Variants in DNAJC1 observed in about 807,000 individuals in gnomAD.
DNAJC1 encodes DnaJ heat shock protein family (Hsp40) member C1.
In DNAJC1, 58 loss-of-function variants were observed where a neutral mutation model predicts 76.6. The observed-to-expected ratio is 0.76, with a 90% CI of 0.61 to 0.94. The LOEUF is 0.94. DNAJC1 is among the 40% of genes least tolerant of loss of function. The pLI is 0.00. For missense variants in DNAJC1, 689 were observed against 677.3 expected, an observed-to-expected ratio of 1.02 and a Z score of -0.19; for synonymous variants, 258 against 267.9, an observed-to-expected ratio of 0.96 and a Z score of 0.36.
chr10:21,978,404 A>T (rs1564843393), intron 1 of DNAJC1, among the ~76,000 whole-genome samples: 2 of 152,184 alleles, frequency 1.3e-5, no homozygotes, highest in African/African-American at 4.8e-5. Flanking sequence ...AAAGTCGATT[A>T]GCAAGTGAAA....
chr10:21,859,405 C>T (rs1835888250), intron 8 of DNAJC1, among the ~76,000 whole-genome samples: 1 of 152,054 alleles, frequency 6.6e-6, no homozygotes, highest in Non-Finnish European at 1.5e-5. Context: ...GTTAAATGAG[C>T]CACTCCATGA....
intron 7 of DNAJC1, among the ~76,000 whole-genome samples, chr10:21,882,840 C>T (rs1234863038): frequency 2.0e-5 from 3 of 152,050 alleles, no homozygotes; most frequent in African/African-American, 7.2e-5. Flanking sequence ...TAAAAAAAAC[C>T]TGGCTCTCAC....
intron 9 of DNAJC1, among the ~76,000 whole-genome samples, chr10:21,772,886 A>G (rs1407251076): frequency 1.3e-5 from 2 of 152,180 alleles, no homozygotes; most frequent in Non-Finnish European, 2.9e-5. Flanking sequence ...GGGAAGCCTC[A>G]GGAAACTTAC....
At chr10:21,763,244 C>G (rs1834260876) in intron 10 of DNAJC1, among the ~76,000 whole-genome samples, 1 of 152,188 alleles carries the variant, frequency 6.6e-6, no homozygotes, top group Non-Finnish European at 1.5e-5. Context: ...CATCTACTTT[C>G]AAACGTCCTT....
chr10:21,982,151 C>T (rs1838168585), intron 1 of DNAJC1, among the ~76,000 whole-genome samples: 2 of 152,310 alleles, frequency 1.3e-5, no homozygotes, highest in Admixed American at 6.5e-5. Flanking sequence ...AGTCTCTTTT[C>T]TCCTACTGCA....
chr10:21,794,909 T>C (rs1369328677), intron 9 of DNAJC1, among the ~76,000 whole-genome samples: 3 of 152,214 alleles, frequency 2.0e-5, no homozygotes, highest in Non-Finnish European at 2.9e-5. Context: ...TCAGATTTAT[T>C]TGCATTTTGT....
At chr10:21,804,644 T>C (rs1834861239) in intron 9 of DNAJC1, among the ~76,000 whole-genome samples, 1 of 147,900 alleles carries the variant, frequency 6.8e-6, no homozygotes, top group Non-Finnish European at 1.5e-5. Flanking sequence ...ATAACTAGTC[T>C]ACTCATGAAA....
At chr10:21,921,129 G>T (rs1837036514) in intron 3 of DNAJC1, among the ~76,000 whole-genome samples, 166 bp from the exon 4 acceptor site, 1 of 151,978 alleles carries the variant, frequency 6.6e-6, no homozygotes, top group Non-Finnish European at 1.5e-5. Flanking sequence ...AAGCACTGTA[G>T]ATAGCTCTAG....
intron 1 of DNAJC1, among the ~76,000 whole-genome samples, chr10:21,948,450 G>A (rs1169570154): frequency 3.3e-5 from 5 of 152,086 alleles, no homozygotes; most frequent in Non-Finnish European, 7.3e-5. Context: ...TGAAATTAAT[G>A]TGGAAATTTC....
chr10:21,848,749 CAAT>C (rs1288471910), intron 8 of DNAJC1, among the ~76,000 whole-genome samples: 2 of 152,108 alleles, frequency 1.3e-5, no homozygotes, highest in African/African-American at 4.8e-5. Flanking sequence ...AAACAAGTGT[CAAT>C]AAATTTTAAA....
chr10:21,839,898 C>G (rs1196648720), intron 8 of DNAJC1, among the ~76,000 whole-genome samples: 2 of 152,166 alleles, frequency 1.3e-5, no homozygotes, highest in African/African-American at 4.8e-5. Context: ...AAAAGCTTAT[C>G]CACCATGATT....
At chr10:21,855,225 T>C (rs1835815687) in intron 8 of DNAJC1, among the ~76,000 whole-genome samples, 1 of 152,152 alleles carries the variant, frequency 6.6e-6, no homozygotes, top group South Asian at 2.1e-4. Flanking sequence ...TTTTTTGAGC[T>C]CTCAAATCAC....
chr10:21,836,580 C>A (rs1485474795), intron 8 of DNAJC1, among the ~76,000 whole-genome samples: 1 of 152,136 alleles, frequency 6.6e-6, no homozygotes, highest in Non-Finnish European at 1.5e-5. Context: ...ATTCAGGAAA[C>A]CCATCTCACG....
At chr10:21,936,470 C>G (rs1564832305) in intron 1 of DNAJC1, among the ~76,000 whole-genome samples, 1 of 152,072 alleles carries the variant, frequency 6.6e-6, no homozygotes, top group Non-Finnish European at 1.5e-5. Context: ...TTACATAAGG[C>G]AGTAATTATA....
chr10:21,865,167 A>C (rs1368661149), intron 8 of DNAJC1, among the ~76,000 whole-genome samples: 1 of 152,110 alleles, frequency 6.6e-6, no homozygotes, highest in Non-Finnish European at 1.5e-5. Flanking sequence ...CAGTTTCTTA[A>C]ATGGTTAAAC....
chr10:21,908,892 T>C (rs1383801361), intron 6 of DNAJC1, among the ~76,000 whole-genome samples: 3 of 152,096 alleles, frequency 2.0e-5, no homozygotes, highest in Non-Finnish European at 2.9e-5. Context: ...TTCTTTCTTT[T>C]TTTTTTTCCC....
intron 3 of DNAJC1, among the ~76,000 whole-genome samples, chr10:21,926,925 T>A (rs2131777602): frequency 6.6e-6 from 1 of 152,288 alleles, no homozygotes; most frequent in East Asian, 1.9e-4. Flanking sequence ...AAGATAGAAA[T>A]AATTTTGGTA....
chr10:21,907,056 C>A (rs772717417), intron 6 of DNAJC1, among the ~76,000 whole-genome samples: 3 of 152,090 alleles, frequency 2.0e-5, no homozygotes, highest in Non-Finnish European at 2.9e-5. Flanking sequence ...CAACCTCTCC[C>A]TAGTAGTCCT....
chr10:21,994,215 T>C (rs977742146), intron 1 of DNAJC1, among the ~76,000 whole-genome samples: 11 of 152,216 alleles, frequency 7.2e-5, no homozygotes, highest in African/African-American at 1.9e-4. Context: ...TAAGATTTAC[T>C]ACTAATGAGG....
Sources: allele counts gnomAD v4.1 joint callset (sites outside exome capture counted in the v4.1 genomes callset), GRCh38; gene constraint gnomAD v4.1.1; transcripts MANE v1.5; gene names NCBI Gene and HGNC (gene_info 2026-07-23, HGNC 2026-07-21).